The following UBAP2 variants were observed in gnomAD, a reference collection of about 807,000 sequenced individuals.
UBAP2 encodes ubiquitin-associated protein 2.
In UBAP2, 75 loss-of-function variants were observed where a neutral mutation model predicts 139.6. The observed-to-expected ratio is 0.54, with a 90% CI of 0.45 to 0.65. The LOEUF (loss-of-function observed/expected upper bound fraction) is 0.65, where lower values mean the gene tolerates loss of function less well. UBAP2 is among the 30% of genes least tolerant of loss of function. UBAP2 has a pLI of 0.00. For synonymous variants in UBAP2, 526 were observed against 526.2 expected, an observed-to-expected ratio of 1.00 and a Z score of 0.01; for missense variants, 1,368 against 1,369.6, an observed-to-expected ratio of 1.00 and a Z score of 0.02.
intron 10 of UBAP2, among the ~76,000 whole-genome samples, chr9:33,959,434 G>A (rs761627684): frequency 9.9e-5 from 15 of 152,158 alleles, no homozygotes; most frequent in Non-Finnish European, 2.1e-4. Flanking sequence ...ATAGTTTTGA[G>A]GATCTGTATT....
intron 6 of UBAP2, among the ~76,000 whole-genome samples, chr9:33,979,915 T>C (rs111673848): frequency 0.012 from 1,751 of 147,124 alleles, 32 homozygotes; most frequent in African/African-American, 0.041. Context: ...CTACTAAAAA[T>C]ACAAAAAATT....
At chr9:33,923,148 C>A (rs770951441) in intron 26 of UBAP2, 38 bp downstream of exon 26, 2 of 1,611,192 alleles carry the variant, frequency 1.2e-6, no homozygotes, top group East Asian at 2.2e-5. Flanking sequence ...GAGCCCACCA[C>A]TCCAGGCCTT....
At chr9:34,011,116 T>C (rs559859002) in intron 2 of UBAP2, among the ~76,000 whole-genome samples, 2 of 152,240 alleles carry the variant, frequency 1.3e-5, no homozygotes, top group East Asian at 3.9e-4. Flanking sequence ...AAGCACTTGA[T>C]GGGTGAAAGA....
At chr9:34,017,884 G>A (rs1319087320) in intron 1 of UBAP2, among the ~76,000 whole-genome samples, 2 of 151,314 alleles carry the variant, frequency 1.3e-5, no homozygotes, top group Non-Finnish European at 1.5e-5. Context: ...CCGAGATCGC[G>A]TCACTGTACT....
intron 1 of UBAP2, among the ~76,000 whole-genome samples, chr9:34,034,287 A>G (rs1288639300): frequency 2.0e-5 from 3 of 152,206 alleles, no homozygotes; most frequent in African/African-American, 7.2e-5. Context: ...TAGTTCTTCA[A>G]CTTTCCTCAT....
Position 33,922,613 on chromosome 9 carries a change from G to A in UBAP2, c.3265-14C>T. The stretch of plus-strand genomic sequence containing the variant: ...ACCCGAGCCACTCTGAGGAAGAGGA[G>A]AAGGGAAGGCTGTCAAGGCTGGAGC... On this transcript the variant is annotated splice_polypyrimidine_tract_variant and intron_variant, in intron 28 of 28. Transcript: ENST00000379238. 1 of 1,611,732 alleles carries A rather than the reference G, an allele frequency of 6.2e-7. No individual in the cohort carries two copies. Among genetic ancestry groups the A allele is most frequent in the South Asian group, 1.1e-5 (1 of 90,774 alleles).
Position 33,932,611 on chromosome 9 carries a change from T to G in UBAP2, c.2126A>C (p.Gln709Pro). ...GGCTGCATGTGCAGAGAGGCTGCTC[T>G]GGTGGCTGGAGAGCGAACTAGAAGA... The part of the protein sequence containing the change: ...SQLSSSLSSH[Q>P]SSLSAHAALS... The change falls in exon 19 of 29, where the codon CAG becomes CCG. Residue 709 changes from glutamine to proline, a missense_variant. Gln to Pro is a moderately conservative substitution (Grantham distance 76, BLOSUM62 -1). Transcript: ENST00000379238. 1 of 1,614,094 alleles carries G rather than the reference T, an allele frequency of 6.2e-7. No homozygotes were observed. Among genetic ancestry groups the G allele is most frequent in the South Asian group, 1.1e-5 (1 of 91,074 alleles).
intron 9 of UBAP2, among the ~76,000 whole-genome samples, chr9:33,962,458 C>A (rs1341816574): frequency 6.6e-6 from 1 of 151,712 alleles, no homozygotes; most frequent in African/African-American, 2.4e-5. Context: ...CCAGCCTGGT[C>A]AATATGATGA....
At chr9:33,929,005 A>G (rs1823730872) in intron 19 of UBAP2, among the ~76,000 whole-genome samples, 1 of 152,156 alleles carries the variant, frequency 6.6e-6, no homozygotes, top group Non-Finnish European at 1.5e-5. Context: ...AGACAGCCAA[A>G]AACATGGTTT....
chr9:33,923,703 ACCCT>A, intron 24 of UBAP2, 88 bp downstream of exon 24: 1 of 1,372,414 alleles, frequency 7.3e-7, no homozygotes, highest in South Asian at 1.2e-5. Flanking sequence ...TGGAATCACA[ACCCT>A]CCCTCCCTGC....
intron 2 of UBAP2, among the ~76,000 whole-genome samples, chr9:34,012,734 G>A (rs1341173433): frequency 6.6e-6 from 1 of 151,766 alleles, no homozygotes; most frequent in Non-Finnish European, 1.5e-5. Flanking sequence ...AAGAGAACAG[G>A]ATAAAGTAGA....
intron 1 of UBAP2, among the ~76,000 whole-genome samples, chr9:34,019,860 C>A (rs972550606): frequency 6.6e-6 from 1 of 151,628 alleles, no homozygotes; most frequent in Non-Finnish European, 1.5e-5. Context: ...CTAGAACAAA[C>A]AAAACAAAAA....
chr9:33,968,494 T>G (rs1045067701), intron 8 of UBAP2: 9 of 527,710 alleles, frequency 1.7e-5, no homozygotes, highest in Non-Finnish European at 3.0e-5. Flanking sequence ...TGAGCACTAA[T>G]GGGACGCGGT....
chr9:33,936,176 T>C (rs1160244540), intron 16 of UBAP2, among the ~76,000 whole-genome samples: 2 of 152,028 alleles, frequency 1.3e-5, no homozygotes, highest in Non-Finnish European at 2.9e-5. Context: ...AGAGATGGGG[T>C]TTTGCCATGT....
chr9:33,944,501 G>C lies in UBAP2; in HGVS notation c.1409C>G (p.Pro470Arg), dbSNP rs775677780. 7 of 1,613,992 alleles carry C rather than the reference G, an allele frequency of 4.3e-6. No homozygotes were observed. Among genetic ancestry groups the C allele is most frequent in the African/African-American group, 4.0e-5 (3 of 74,878 alleles). ...PSQAKLREST[P>R]GDSPSTVNKL... is the part of the protein sequence containing the mutation. Reference sequence around the variant, plus strand: ...GTTCACAGTGGAGGGACTGTCTCCAGGTGTTGATTCTCGAAGTTTTGCCTG... The same window carrying C: ...GTTCACAGTGGAGGGACTGTCTCCACGTGTTGATTCTCGAAGTTTTGCCTG... The change falls in exon 14 of 29, where the codon CCT (proline) becomes CGT (arginine). Residue 470 changes from proline to arginine, a missense_variant. Physicochemically the swap from Pro to Arg is moderately radical, Grantham distance 103. Coordinates refer to ENST00000379238, the MANE Select transcript of UBAP2 (RefSeq NM_001370062.2).
intron 7 of UBAP2, 144 bp downstream of exon 7, chr9:33,973,039 A>G (rs1828025949): frequency 4.1e-6 from 3 of 725,888 alleles, no homozygotes; most frequent in Non-Finnish European, 7.0e-6. Context: ...TATTCATATT[A>G]TTTTTCTTAT....
At chr9:34,029,151 G>T (rs578005445) in intron 1 of UBAP2, among the ~76,000 whole-genome samples, 4 of 152,202 alleles carry the variant, frequency 2.6e-5, no homozygotes, top group Non-Finnish European at 4.4e-5. Flanking sequence ...AGTTCCTAAA[G>T]AAATTAAACA....
chr9:34,042,090 A>G (rs1383973294), intron 1 of UBAP2, among the ~76,000 whole-genome samples: 3 of 152,150 alleles, frequency 2.0e-5, no homozygotes, highest in African/African-American at 7.2e-5. Context: ...GCATCAGAAG[A>G]ATCATACAAT....
At chr9:34,015,972 G>T (rs1824217704) in intron 2 of UBAP2, among the ~76,000 whole-genome samples, 1 of 152,146 alleles carries the variant, frequency 6.6e-6, no homozygotes. Context: ...CCCAGCAAAG[G>T]CAGCTTTTTA....
Sources: gnomAD v4.1 joint callset for allele counts (sites outside exome capture counted in the v4.1 genomes callset) on GRCh38, gnomAD v4.1.1 for gene constraint, MANE v1.5 for transcripts, NCBI Gene and HGNC (gene_info 2026-07-23, HGNC 2026-07-21) for gene names.